The following ALG5 variants were observed in gnomAD, a reference collection of about 807,000 sequenced individuals.
ALG5 encodes the protein dolichyl-phosphate beta-glucosyltransferase.
In ALG5, 26 loss-of-function variants were observed where a neutral mutation model predicts 51.8. The observed-to-expected ratio is 0.50, with a 90% confidence interval of 0.37 to 0.70. The LOEUF is 0.70. Among genes scored for constraint, ALG5 ranks in the 30% least tolerant of loss-of-function variants. The probability of loss-of-function intolerance (pLI) is 0.00; values close to 1 mark genes in which losing one functional copy is unlikely to be tolerated. For missense variants in ALG5, 311 were observed against 399.3 expected, an observed-to-expected ratio of 0.78 and a Z score of 1.88; for synonymous variants, 141 against 136.1, an observed-to-expected ratio of 1.04 and a Z score of -0.25.
intron 6 of ALG5, among the ~76,000 whole-genome samples, chr13:36,980,643 C>A (rs1325497591): frequency 6.6e-6 from 1 of 152,108 alleles, no homozygotes; most frequent in Non-Finnish European, 1.5e-5. Context: ...TATTAAAAAA[C>A]AAAGATGTGG....
intron 5 of ALG5, among the ~76,000 whole-genome samples, chr13:36,988,968 C>T (rs1315193463): frequency 3.3e-5 from 5 of 152,216 alleles, no homozygotes; most frequent in Non-Finnish European, 7.3e-5. Flanking sequence ...AGCTGATATG[C>T]CTCAGCTGAC....
intron 8 of ALG5, among the ~76,000 whole-genome samples, chr13:36,958,483 G>A (rs1042292435): frequency 2.6e-5 from 4 of 152,118 alleles, no homozygotes; most frequent in Admixed American, 1.3e-4. Flanking sequence ...GATCTACCAT[G>A]GACCCCTGGA....
intron 6 of ALG5, among the ~76,000 whole-genome samples, chr13:36,974,805 C>A (rs987077433): frequency 3.7e-4 from 56 of 151,632 alleles, no homozygotes; most frequent in Non-Finnish European, 4.4e-4. Context: ...AATCATAGTA[C>A]CACTATGACA....
At chr13:36,992,416 A>G (rs2059029474) in intron 4 of ALG5, among the ~76,000 whole-genome samples, 1 of 152,260 alleles carries the variant, frequency 6.6e-6, no homozygotes, top group Non-Finnish European at 1.5e-5. Context: ...AAGTCATTAT[A>G]TAAGTAGCTA....
intron 7 of ALG5, among the ~76,000 whole-genome samples, chr13:36,970,898 G>T (rs749499475): frequency 9.9e-5 from 15 of 152,178 alleles, no homozygotes; most frequent in Non-Finnish European, 1.9e-4. Context: ...GTGACAGAGC[G>T]AGACTCTGTC....
At chr13:36,969,491 T>C (rs2058911134) in intron 7 of ALG5, among the ~76,000 whole-genome samples, 1 of 151,734 alleles carries the variant, frequency 6.6e-6, no homozygotes, top group Admixed American at 6.6e-5. Context: ...TCATTAGCTG[T>C]TTTAGTGTGC....
At chr13:36,974,792 GTCAA>G (rs1300876687) in intron 6 of ALG5, among the ~76,000 whole-genome samples, 4 of 151,158 alleles carry the variant, frequency 2.6e-5, no homozygotes, top group African/African-American at 9.7e-5. Context: ...TTCATATAAT[GTCAA>G]TCATAGTACC....
At chr13:36,954,431 T>C (rs1011325369) in intron 8 of ALG5, among the ~76,000 whole-genome samples, 1 of 152,148 alleles carries the variant, frequency 6.6e-6, no homozygotes, top group Admixed American at 6.5e-5. Flanking sequence ...GCTTAAATGA[T>C]CCGCCTGGCT....
At chr13:36,988,651 T>C (rs1024929198) in intron 5 of ALG5, among the ~76,000 whole-genome samples, 6 of 152,208 alleles carry the variant, frequency 3.9e-5, no homozygotes, top group Non-Finnish European at 8.8e-5. Context: ...CAAACTAATA[T>C]TACCCAACTC....
intron 8 of ALG5, among the ~76,000 whole-genome samples, chr13:36,962,295 T>TA (rs1316691545): frequency 6.6e-6 from 1 of 152,202 alleles, no homozygotes; most frequent in Non-Finnish European, 1.5e-5. Context: ...AGTCTTGATT[T>TA]AAAGTGCAGG....
intron 6 of ALG5, among the ~76,000 whole-genome samples, chr13:36,977,756 C>T (rs1203388468): frequency 1.7e-5 from 2 of 119,362 alleles, no homozygotes; most frequent in South Asian, 5.9e-4. Context: ...CATGCTACTG[C>T]ACTCTAGCCT....
At chr13:36,983,694 G>A (rs1026045090) in intron 6 of ALG5, among the ~76,000 whole-genome samples, 2 of 151,914 alleles carry the variant, frequency 1.3e-5, no homozygotes, top group African/African-American at 4.8e-5. Flanking sequence ...CTTGTCTGAA[G>A]AGCAATGGTA....
intron 4 of ALG5, among the ~76,000 whole-genome samples, chr13:36,992,489 C>T (rs1489868509): frequency 6.6e-6 from 1 of 152,162 alleles, no homozygotes; most frequent in Non-Finnish European, 1.5e-5. Context: ...TGGTATCTAG[C>T]TTCAAGGAAT....
At chr13:36,951,546 T>C (rs1027151042) in intron 9 of ALG5, among the ~76,000 whole-genome samples, 2 of 152,236 alleles carry the variant, frequency 1.3e-5, no homozygotes, top group Non-Finnish European at 2.9e-5. Context: ...CAGTTGATTA[T>C]GTTAACTGCT....
At chr13:36,964,115 T>C (rs2058880980) in intron 8 of ALG5, among the ~76,000 whole-genome samples, 1 of 152,158 alleles carries the variant, frequency 6.6e-6, no homozygotes, top group South Asian at 2.1e-4. Context: ...TGCAACAGGA[T>C]ATAATTAGGG....
chr13:36,974,632 C>A (rs1442607176), intron 6 of ALG5, among the ~76,000 whole-genome samples: 2 of 151,800 alleles, frequency 1.3e-5, no homozygotes, highest in East Asian at 3.9e-4. Context: ...AAACTAGAAA[C>A]AAGGGGAAAA....
At chr13:36,987,207 C>T (rs962311656) in intron 5 of ALG5, among the ~76,000 whole-genome samples, 9 of 152,194 alleles carry the variant, frequency 5.9e-5, no homozygotes, top group Non-Finnish European at 1.2e-4. Flanking sequence ...TCAAACTTAA[C>T]ATGGCTCAAA....
rs959785993 is a variant in ALG5, at chr13:36,991,315, C to T, written c.355-1739G>A. 6.0e-5 allele frequency among the ~76,000 whole-genome samples: 9 copies of T among 150,956 alleles called. No homozygotes were observed. The East Asian group carries it at 1.7e-3, about 29-fold the overall frequency. On this transcript the variant is annotated intron_variant, in intron 4 of 9. Transcript: ENST00000239891. ...CCCCGGGAAAAAGAAAAGTATAATT[C>T]TAATAGCAATGTGTACTACTGAAGC...
At chr13:36,960,865 G>A (rs1405890567) in intron 8 of ALG5, among the ~76,000 whole-genome samples, 1 of 151,448 alleles carries the variant, frequency 6.6e-6, no homozygotes, top group Non-Finnish European at 1.5e-5. Context: ...GGCTTGTCTT[G>A]AACTCCTGGG....
Sources: allele counts gnomAD v4.1 joint callset (sites outside exome capture counted in the v4.1 genomes callset), GRCh38; gene constraint gnomAD v4.1.1; transcripts MANE v1.5; gene names NCBI Gene and HGNC (gene_info 2026-07-23, HGNC 2026-07-21).